The following PRPF40B variants were observed in gnomAD, a reference collection of about 807,000 sequenced individuals.
The protein encoded by PRPF40B is pre-mRNA processing factor 40B.
In PRPF40B, 56 loss-of-function variants were observed where a neutral mutation model predicts 124.5. The ratio of observed to expected loss-of-function variants is 0.45; its 90% CI spans 0.36 to 0.56. The LOEUF (loss-of-function observed/expected upper bound fraction) is 0.56, where lower values mean the gene tolerates loss of function less well. Ranked by LOEUF, PRPF40B falls within the 20% of genes least tolerant of loss-of-function variation. PRPF40B has a pLI of 0.00. For missense variants in PRPF40B, 1,053 were observed against 1,169.5 expected, an observed-to-expected ratio of 0.90 and a Z score of 1.45; for synonymous variants, 443 against 426.4, an observed-to-expected ratio of 1.04 and a Z score of -0.48.
chr12:49,643,533 C>A, intron 23 of PRPF40B, 136 bp downstream of exon 23: 1 of 1,373,834 alleles, frequency 7.3e-7, no homozygotes, highest in Non-Finnish European at 9.8e-7. Context: ...AGAACTTCCT[C>A]TACCTGCCCA....
Position 49,632,639 on chromosome 12 carries a change from G to A in PRPF40B, c.322+16G>A, listed in dbSNP as rs758546065. On this transcript the variant is annotated intron_variant, in intron 5 of 25. Transcript: ENST00000548825. ...ACCGCCAGCTGTGAGTCTTCTGGGG[G>A]CCTGCTCCCCCCAGGCTCGGAGGTT... The A allele has an allele frequency of 1.9e-6, 3 of 1,613,280 alleles. No homozygotes were observed. Among genetic ancestry groups the A allele is most frequent in the Non-Finnish European group, 1.7e-6 (2 of 1,179,590 alleles).
intron 1 of PRPF40B, among the ~76,000 whole-genome samples, chr12:49,627,210 C>T (rs1311755340): frequency 1.3e-5 from 2 of 152,160 alleles, no homozygotes; most frequent in Non-Finnish European, 1.5e-5. Flanking sequence ...TTCTGAGACT[C>T]ATATTTGAAC....
At position 49,642,948 on chromosome 12, in the gene PRPF40B, C is replaced by T; in HGVS notation, c.2137C>T (p.His713Tyr). ...QVLETECQHL[H>Y]TKGRKHGRKG... ...CTAGCAGACTGAATGCCAGCACCTC[C>T]ACACCAAAGGCCGAAAGCATGGCAG... Residue 713 changes from histidine (H) to tyrosine (Y), a missense_variant, in exon 22 of 26, where the codon CAC becomes TAC. This residue lies in a region of PRPF40B where 895 missense variants were observed against 1,052.2 expected (regional missense o/e 0.85). Coordinates refer to ENST00000548825, the MANE Select transcript of PRPF40B (RefSeq NM_001031698.3). The surrounding 1 kb of genome is among the most constrained non-coding windows in gnomAD (Gnocchi z 5.8). 2 of 1,613,622 alleles carry T rather than the reference C, an allele frequency of 1.2e-6. No individual in the cohort carries two copies. Among genetic ancestry groups the T allele is most frequent in the African/African-American group, 1.3e-5 (1 of 75,038 alleles).
intron 15 of PRPF40B, chr12:49,636,449 A>C (rs1941815581): frequency 2.1e-6 from 1 of 486,620 alleles, no homozygotes; most frequent in African/African-American, 1.9e-5. Flanking sequence ...CTCAGATCCC[A>C]AGACAACCGG....
Position 49,642,143 on chromosome 12 carries a change from G to T in PRPF40B, c.1885-92G>T, listed in dbSNP as rs1942753801. On this transcript the variant is annotated intron_variant, in intron 19 of 25. Transcript: ENST00000548825. This position sits in a 1 kb window ranked among gnomAD's most constrained non-coding sequence, Gnocchi z 5.8. ...TTCAGGGGATGGTGGTAGAAGCCCA[G>T]ACCCTAACTTTCCACCTCCTAAGGT... 1.2e-6 allele frequency: 2 copies of T among 1,607,526 alleles called. No individual in the cohort carries two copies. The highest frequency in any genetic ancestry group is 1.1e-5 in the South Asian group (1 of 90,516).
Position 49,642,856 on chromosome 12 carries a change from G to A in PRPF40B, c.2119-74G>A. The A allele has an allele frequency of 6.6e-7, 1 of 1,524,242 alleles. No homozygotes were observed. Among genetic ancestry groups the A allele is most frequent in the Non-Finnish European group, 8.9e-7 (1 of 1,120,300 alleles). 94.4% of individuals were successfully genotyped at this position (1,524,242 alleles called of 1,614,324 possible). A position where few individuals can be genotyped will look rare whatever the true frequency, so the allele number is the denominator to read the frequency against. On this transcript the variant is annotated intron_variant, in intron 21 of 25. Coordinates refer to ENST00000548825, the MANE Select transcript of PRPF40B (RefSeq NM_001031698.3). The surrounding 1 kb of genome is among the most constrained non-coding windows in gnomAD (Gnocchi z 5.8). ...AGTCTGAGAAAGGGAGGCAAAGCCA[G>A]ATTTTAGGAAGTAGGATCCTTCCTG...
In PRPF40B at chr12:49,637,475, C is replaced by T; in HGVS notation, c.1566C>T (p.Phe522=). The T allele has an allele frequency of 6.2e-7, 1 of 1,613,146 alleles. No homozygotes were observed. The highest frequency in any genetic ancestry group is 8.5e-7 in the Non-Finnish European group (1 of 1,179,844). The change falls in exon 17 of 26, where the codon TTC becomes TTT. Residue 522 remains phenylalanine, a synonymous_variant. Coordinates refer to ENST00000548825, the MANE Select transcript of PRPF40B (RefSeq NM_001031698.3). ...ACTGGCCTCTCCCTGCTCAGACCTT[C>T]CTGGACGAGCTGCATGAGACAGGGC... The part of the protein sequence containing the change: ...QRKNREAFQT[F]LDELHETGQL...
rs1374128947 is a variant in PRPF40B at position 49,631,872 on chromosome 12, G to A, written c.241G>A (p.Val81Ile). 6.2e-7 allele frequency: 1 copy of A among 1,614,016 alleles called. No homozygotes were observed. The highest frequency in any genetic ancestry group is 8.5e-7 in the Non-Finnish European group (1 of 1,179,980). ...TTTGTATCCATAGATACCAGGAATG[G>A]TACCTCCGATGATGCCAGGAATGCT... ...PPPLTQIPGMVPPMMPGMLMP... is the reference protein window; with the variant it reads ...PPPLTQIPGMIPPMMPGMLMP... Residue 81 changes from valine (V) to isoleucine (I), a missense_variant, in exon 4 of 26, where the codon GTA becomes ATA. By Grantham distance (29) the Val-to-Ile change is conservative. Around this residue, in one of 2 missense-constraint regions of PRPF40B, gnomAD observed 895 missense variants for 1,052.2 expected, o/e 0.85. Transcript: ENST00000548825. This position sits in a 1 kb window ranked among gnomAD's most constrained non-coding sequence, Gnocchi z 4.3.
At chr12:49,636,569 C>T in intron 15 of PRPF40B, 147 bp from the exon 16 acceptor site, 1 of 956,018 alleles carries the variant, frequency 1.0e-6, no homozygotes, top group Non-Finnish European at 1.6e-6. Context: ...AGTGGCTGCT[C>T]CCACAGAGCC....
chr12:49,632,135 T>C, intron 4 of PRPF40B: 1 of 624,934 alleles, frequency 1.6e-6, no homozygotes, highest in Non-Finnish European at 2.9e-6. Context: ...ATACATTCTC[T>C]TGTTACTCAC....
Position 49,634,108 on chromosome 12 carries a change from C to T in PRPF40B, c.812+16C>T, listed in dbSNP as rs370502272. ...GCCCCAGCAGGTGAGGGCTGCCCCC[C>T]ATGGCATTCCCAATGTTGGCCTCAG... On this transcript the variant is annotated intron_variant, in intron 10 of 25. Coordinates refer to ENST00000548825, the MANE Select transcript of PRPF40B (RefSeq NM_001031698.3). 1.5e-5 allele frequency: 24 copies of T among 1,607,638 alleles called. No homozygotes were observed. The African/African-American group carries it at 2.9e-4, about 20-fold the overall frequency.
At position 49,637,515 on chromosome 12, in the gene PRPF40B, T is replaced by G; in HGVS notation, c.1606T>G (p.Ser536Ala). The G allele has an allele frequency of 6.2e-7, 1 of 1,613,876 alleles. No individual in the cohort carries two copies. The highest frequency in any genetic ancestry group is 8.5e-7 in the Non-Finnish European group (1 of 1,180,030). Residue 536 changes from serine to alanine, a missense_variant, in exon 17 of 26, where the codon TCC becomes GCC. Ser to Ala is a moderately conservative substitution (Grantham distance 99). Around this residue, in one of 2 missense-constraint regions of PRPF40B, gnomAD observed 895 missense variants for 1,052.2 expected, o/e 0.85. Transcript: ENST00000548825. ...TGAGACAGGGCAGCTGCACTCTATG[T>G]CCACCTGGATGGAGCTATATCCAGC... is the stretch of plus-strand genomic sequence containing the variant. The part of the protein sequence containing the change: ...LHETGQLHSM[S>A]TWMELYPAVS...
chr12:49,641,736 A>G, intron 18 of PRPF40B, 172 bp from the exon 19 acceptor site: 1 of 600,674 alleles, frequency 1.7e-6, no homozygotes, highest in South Asian at 2.1e-5. Flanking sequence ...ATGGGGGCTT[A>G]ATTGTCAAGT....
Position 49,631,345 on chromosome 12 carries a change from C to T in PRPF40B, c.85-56C>T. Reference sequence around the variant, plus strand: ...GATATTTCCTGACAGGTCCTCTCTACCTCTGACAAGGCGATGTCTTCCCTG... The same window carrying T: ...GATATTTCCTGACAGGTCCTCTCTATCTCTGACAAGGCGATGTCTTCCCTG... On this transcript the variant is annotated intron_variant, in intron 2 of 25. Coordinates refer to ENST00000548825, the MANE Select transcript of PRPF40B (RefSeq NM_001031698.3). This position sits in a 1 kb window ranked among gnomAD's most constrained non-coding sequence, Gnocchi z 4.3. 2 of 1,338,946 alleles carry T rather than the reference C, an allele frequency of 1.5e-6. No individual in the cohort carries two copies. The highest frequency in any genetic ancestry group is 1.6e-5 in the South Asian group (1 of 60,698). 82.9% of individuals were successfully genotyped at this position (1,338,946 alleles called of 1,614,324 possible).
chr12:49,630,696 T>C (rs1366673095), intron 2 of PRPF40B, 71 bp downstream of exon 2: 7 of 690,786 alleles, frequency 1.0e-5, no homozygotes, highest in Admixed American at 2.2e-5. Flanking sequence ...CCCTAGCCAC[T>C]GCTGCATCAC....
chr12:49,641,919 C>G lies in PRPF40B; in HGVS notation c.1779C>G (p.Phe593Leu), dbSNP rs768420141. 5.6e-6 allele frequency: 9 copies of G among 1,613,322 alleles called. No homozygotes were observed. Among genetic ancestry groups the G allele is most frequent in the Admixed American group, 1.7e-5 (1 of 60,010 alleles). ...TGCTGTACCCACAGGACCGGGGCTT[C>G]TGCGTGGAGGTGAACACGGCCTTTG... ...IIKDILKDRG[F>L]CVEVNTAFED... Residue 593 changes from phenylalanine to leucine, a missense_variant, in exon 19 of 26, where the codon TTC (phenylalanine) becomes TTG (leucine). This residue lies in a region of PRPF40B where 895 missense variants were observed against 1,052.2 expected (regional missense o/e 0.85). Coordinates refer to ENST00000548825, the MANE Select transcript of PRPF40B (RefSeq NM_001031698.3).
intron 18 of PRPF40B, chr12:49,639,404 G>A (rs1427469401): frequency 6.6e-6 from 1 of 152,322 alleles, no homozygotes; most frequent in Admixed American, 6.5e-5. Context: ...ATGGAAGAGG[G>A]TGAGCAGGGA....
At chr12:49,632,030 T>C (rs1941274882) in intron 4 of PRPF40B, 105 bp downstream of exon 4, 1 of 1,129,252 alleles carries the variant, frequency 8.9e-7, no homozygotes, top group Admixed American at 1.7e-5. Context: ...TCTCATCGCA[T>C]CCACCCAGGT....
chr12:49,623,761 C>A, intron 1 of PRPF40B, 168 bp downstream of exon 1: 2 of 28,768 alleles, frequency 7.0e-5, no homozygotes, highest in Non-Finnish European at 4.4e-5. Context: ...GGGATGGGGG[C>A]GGGGACTGGG....
Sources: gnomAD v4.1 joint callset for allele counts (sites outside exome capture counted in the v4.1 genomes callset) on GRCh38, gnomAD v4.1.1 for gene constraint, gnomAD v4.1.1 regional missense constraint, Gnocchi (gnomAD v3.1) non-coding constraint, MANE v1.5 for transcripts, NCBI Gene and HGNC (gene_info 2026-07-23, HGNC 2026-07-21) for gene names.